The following VTI1A variants were observed in gnomAD, a reference collection of about 807,000 sequenced individuals.
The protein encoded by VTI1A is vesicle transport through interaction with t-SNAREs 1A.
In VTI1A, 22 loss-of-function variants were observed where a neutral mutation model predicts 34.9. The ratio of observed to expected loss-of-function variants is 0.63; its 90% CI spans 0.45 to 0.90. VTI1A has a LOEUF of 0.90. VTI1A is among the 40% of genes least tolerant of loss of function. VTI1A has a pLI of 0.00. For synonymous variants in VTI1A, 87 were observed against 97.3 expected, an observed-to-expected ratio of 0.89 and a Z score of 0.62; for missense variants, 268 against 275.6, an observed-to-expected ratio of 0.97 and a Z score of 0.20.
chr10:112,584,393 AG>A (rs1156441709), intron 5 of VTI1A, among the ~76,000 whole-genome samples: 1 of 152,226 alleles, frequency 6.6e-6, no homozygotes, highest in Non-Finnish European at 1.5e-5. Context: ...GAAATACTTC[AG>A]AGGAGGAATG....
intron 7 of VTI1A, chr10:112,737,961 G>A: frequency 2.2e-6 from 2 of 928,520 alleles, no homozygotes; most frequent in Non-Finnish European, 2.6e-6. Context: ...GGGATGCTTA[G>A]GGCCTCCTGC....
chr10:112,657,097 C>T (rs891718806), intron 5 of VTI1A, among the ~76,000 whole-genome samples: 39 of 152,180 alleles, frequency 2.6e-4, no homozygotes, highest in African/African-American at 9.2e-4. Context: ...ACTATGCTTC[C>T]TGTTCAGCCT....
At chr10:112,552,623 C>T (rs1051131108) in intron 5 of VTI1A, among the ~76,000 whole-genome samples, 1 of 151,290 alleles carries the variant, frequency 6.6e-6, no homozygotes, top group Non-Finnish European at 1.5e-5. Context: ...AAAAAAAAAC[C>T]ATTGACTCTA....
At chr10:112,852,850 C>G in the VTI1A span, among the ~76,000 whole-genome samples, 5 of 152,186 alleles carry the variant, frequency 3.3e-5, no homozygotes, top group African/African-American at 1.2e-4. Flanking sequence ...ACAATCTCAG[C>G]TCACTGCAAC....
At chr10:112,768,928 A>G (rs1163531481) in intron 7 of VTI1A, among the ~76,000 whole-genome samples, 1 of 152,246 alleles carries the variant, frequency 6.6e-6, no homozygotes, top group Non-Finnish European at 1.5e-5. Context: ...GTAAATTTAC[A>G]TGAAGGGTAT....
intron 5 of VTI1A, among the ~76,000 whole-genome samples, chr10:112,567,475 CTG>C (rs1239730966): frequency 6.6e-6 from 1 of 152,150 alleles, no homozygotes. Flanking sequence ...GTTGTGATGT[CTG>C]TGATATCACA....
chr10:112,769,098 A>G (rs1344057194), intron 7 of VTI1A, among the ~76,000 whole-genome samples: 1 of 152,224 alleles, frequency 6.6e-6, no homozygotes, highest in Non-Finnish European at 1.5e-5. Flanking sequence ...TGGAAGGGCT[A>G]GCAAAGGGAA....
intron 7 of VTI1A, among the ~76,000 whole-genome samples, chr10:112,694,217 A>T (rs756302674): frequency 5.3e-5 from 8 of 152,002 alleles, no homozygotes; most frequent in Admixed American, 1.3e-4. Flanking sequence ...AAAAATATAT[A>T]TTTTTTATCT....
intron 7 of VTI1A, among the ~76,000 whole-genome samples, chr10:112,762,620 A>G (rs1032039899): frequency 3.9e-5 from 6 of 152,232 alleles, no homozygotes; most frequent in African/African-American, 1.4e-4. Flanking sequence ...TTTGGCATTT[A>G]AAAAGGACTA....
the VTI1A span, among the ~76,000 whole-genome samples, chr10:112,851,151 T>C: frequency 6.6e-6 from 1 of 152,232 alleles, no homozygotes; most frequent in Non-Finnish European, 1.5e-5. Flanking sequence ...GCATTCAGAT[T>C]GGAGCAGAAC....
At chr10:112,715,750 T>A (rs947903406) in intron 7 of VTI1A, among the ~76,000 whole-genome samples, 10 of 152,314 alleles carry the variant, frequency 6.6e-5, no homozygotes, top group South Asian at 4.1e-4. Context: ...TTCCTGGGGA[T>A]GACCTACTTC....
chr10:112,714,028 T>C (rs562534141), intron 7 of VTI1A, among the ~76,000 whole-genome samples: 1 of 152,272 alleles, frequency 6.6e-6, no homozygotes, highest in East Asian at 1.9e-4. Flanking sequence ...GGTCACCTTT[T>C]AGCATTCTAG....
intron 3 of VTI1A, among the ~76,000 whole-genome samples, chr10:112,504,524 T>C (rs887223535): frequency 1.3e-5 from 2 of 152,108 alleles, no homozygotes; most frequent in African/African-American, 4.8e-5. Flanking sequence ...AGCTTAATGG[T>C]CCCATTGTAT....
chr10:112,685,969 A>G (rs1848393166), intron 7 of VTI1A, among the ~76,000 whole-genome samples: 2 of 152,198 alleles, frequency 1.3e-5, no homozygotes, highest in African/African-American at 4.8e-5. Flanking sequence ...TATGAAGACC[A>G]CAGTTCCCAG....
intron 7 of VTI1A, among the ~76,000 whole-genome samples, chr10:112,753,014 GT>G (rs1851157444): frequency 6.6e-6 from 1 of 151,790 alleles, no homozygotes; most frequent in African/African-American, 2.4e-5. Context: ...TGATTTGTAT[GT>G]GTATCTTACA....
rs184172065 is a variant in VTI1A, at chr10:112,696,976, A to G, written c.560+27978A>G. Among the ~76,000 whole-genome samples, 150 of 152,348 alleles carry G rather than the reference A, an allele frequency of 9.8e-4. 1 individual carries two copies. The highest frequency in any genetic ancestry group is 3.5e-3 in the African/African-American group (146 of 41,590). ...CAGTTTTTATTCAATAAAGCATTCC[A>G]TGATCTTGAAGCAAAAGGTGATTGG... On this transcript the variant is annotated intron_variant, in intron 7 of 7. Transcript: ENST00000393077.
intron 5 of VTI1A, among the ~76,000 whole-genome samples, chr10:112,619,876 C>T (rs1845659554): frequency 6.6e-6 from 1 of 152,142 alleles, no homozygotes; most frequent in Admixed American, 6.5e-5. Flanking sequence ...GGGAAGGAGA[C>T]ACCACCTAGG....
chr10:112,463,516 A>C (rs1847798743), intron 2 of VTI1A, among the ~76,000 whole-genome samples: 2 of 152,176 alleles, frequency 1.3e-5, no homozygotes, highest in Non-Finnish European at 2.9e-5. Context: ...TATGATGTCA[A>C]CGTAAGAGTC....
chr10:112,527,106 A>G lies in VTI1A; in HGVS notation c.284A>G (p.Tyr95Cys). ...ETDFKRSRIA[Y>C]SDEVRNELLG... ...TTATAGAAAAGGTCACGGATCGCCT[A>G]CAGTGACGAAGTACGGAATGAGCTC... is the stretch of plus-strand genomic sequence containing the variant. Residue 95 changes from tyrosine to cysteine, a missense_variant, in exon 4 of 8, where the codon TAC (tyrosine) becomes TGC (cysteine). By Grantham distance (194) the Tyr-to-Cys change is radical. Transcript: ENST00000393077. 6.2e-7 allele frequency: 1 copy of G among 1,613,322 alleles called. No homozygotes were observed. The highest frequency in any genetic ancestry group is 8.5e-7 in the Non-Finnish European group (1 of 1,179,604).
Sources: allele counts gnomAD v4.1 joint callset (sites outside exome capture counted in the v4.1 genomes callset), GRCh38; gene constraint gnomAD v4.1.1; transcripts MANE v1.5; gene names NCBI Gene and HGNC (gene_info 2026-07-23, HGNC 2026-07-21).